PCDH17: variants seen among roughly 807,000 people sequenced by gnomAD.
PCDH17 encodes protocadherin 17, also known as protocadherin-17.
In PCDH17, 21 loss-of-function variants were observed where a neutral mutation model predicts 67.7. The ratio of observed to expected loss-of-function variants is 0.31; its 90% CI spans 0.22 to 0.45. PCDH17 has a LOEUF of 0.45. Among genes scored for constraint, PCDH17 ranks in the 20% least tolerant of loss-of-function variants. PCDH17 has a pLI of 1.00. For missense variants in PCDH17, 1,471 were observed against 1,564.8 expected, an observed-to-expected ratio of 0.94 and a Z score of 1.01; for synonymous variants, 701 against 656.7, an observed-to-expected ratio of 1.07 and a Z score of -1.03.
chr13:57,718,654 G>A (rs1955845222), intron 3 of PCDH17, among the ~76,000 whole-genome samples: 1 of 151,988 alleles, frequency 6.6e-6, no homozygotes. Flanking sequence ...AAAAGTGTCA[G>A]TTCACAGGAT....
At chr13:57,687,613 A>C (rs528851758) in intron 3 of PCDH17, among the ~76,000 whole-genome samples, 1 of 152,184 alleles carries the variant, frequency 6.6e-6, no homozygotes, top group South Asian at 2.1e-4. Flanking sequence ...GAAAAAAATT[A>C]AAAAGAAGAT....
chr13:57,697,020 T>G (rs1955616621), intron 3 of PCDH17, among the ~76,000 whole-genome samples: 1 of 151,608 alleles, frequency 6.6e-6, no homozygotes, highest in African/African-American at 2.4e-5. Context: ...GAAGAAATCA[T>G]TAGGAAATAC....
chr13:57,688,350 G>T (rs1955526615), intron 3 of PCDH17, among the ~76,000 whole-genome samples: 1 of 151,828 alleles, frequency 6.6e-6, no homozygotes, highest in Admixed American at 6.6e-5. Context: ...GGGAAAAATT[G>T]TGTTTGTGTG....
chr13:57,648,827 G>C (rs1415900901), intron 1 of PCDH17, among the ~76,000 whole-genome samples: 1 of 151,986 alleles, frequency 6.6e-6, no homozygotes, highest in African/African-American at 2.4e-5. Flanking sequence ...ATTTCAGGTG[G>C]TTATCTTGAG....
At chr13:57,704,859 T>C (rs540899837) in intron 3 of PCDH17, among the ~76,000 whole-genome samples, 3 of 152,228 alleles carry the variant, frequency 2.0e-5, no homozygotes, top group African/African-American at 7.2e-5. Flanking sequence ...ATAGATTGAT[T>C]TGTAGGATCT....
At chr13:57,706,271 A>G (rs901666746) in intron 3 of PCDH17, among the ~76,000 whole-genome samples, 10 of 152,142 alleles carry the variant, frequency 6.6e-5, no homozygotes, top group Non-Finnish European at 1.0e-4. Flanking sequence ...TTACTGGCAT[A>G]TGTACTTACA....
At position 57,724,713 on chromosome 13, in the gene PCDH17, G is replaced by A. The variant is rs756979399; in HGVS notation, c.2899G>A (p.Ala967Thr). Residue 967 changes from alanine to threonine, a missense_variant, in exon 4 of 4, where the codon GCA becomes ACA. Physicochemically the swap from Ala to Thr is moderately conservative, Grantham distance 58 (BLOSUM62 0). This residue lies in a region of PCDH17 where 297 missense variants were observed against 298.6 expected (regional missense o/e 0.99). Coordinates refer to ENST00000377918, the MANE Select transcript of PCDH17 (RefSeq NM_001040429.3). ...QFPAANQAEN[A>T]DYRTNLFVPT... ...CCCTGCAGCCAATCAGGCTGAAAAT[G>A]CAGATTACCGCACAAATCTCTTTGT... The A allele has an allele frequency of 3.7e-6, 6 of 1,613,968 alleles. No homozygotes were observed. In the East Asian group the frequency reaches 1.1e-4, roughly 30 times the overall value.
At chr13:57,708,942 G>A (rs1203577256) in intron 3 of PCDH17, among the ~76,000 whole-genome samples, 2 of 151,480 alleles carry the variant, frequency 1.3e-5, no homozygotes, top group Non-Finnish European at 2.9e-5. Context: ...CTAAGAAGTA[G>A]ATCAAATATA....
intron 3 of PCDH17, among the ~76,000 whole-genome samples, chr13:57,667,317 C>T (rs1955266681): frequency 6.6e-6 from 1 of 151,984 alleles, no homozygotes; most frequent in Admixed American, 6.6e-5. Flanking sequence ...CATAGGTAAA[C>T]CAGAGTTTTG....
At chr13:57,707,168 C>T (rs1955728539) in intron 3 of PCDH17, among the ~76,000 whole-genome samples, 1 of 152,018 alleles carries the variant, frequency 6.6e-6, no homozygotes, top group South Asian at 2.1e-4. Flanking sequence ...CTACCTTCTA[C>T]TTAGTAGTAG....
At position 57,635,046 on chromosome 13, in the gene PCDH17, A is replaced by G. The variant is rs140158152; in HGVS notation, c.2500A>G (p.Thr834Ala). 235 of 1,613,398 alleles carry G rather than the reference A, an allele frequency of 1.5e-4. No homozygotes were observed. Among genetic ancestry groups the G allele is most frequent in the Non-Finnish European group, 1.9e-4 (226 of 1,180,004 alleles). ...TVPQGHAGCHTSFTGQGTNAS... is the reference protein window; with the variant it reads ...TVPQGHAGCHASFTGQGTNAS... ...CCCTCAGGGGCACGCGGGCTGCCAC[A>G]CCAGCTTCACCGGACAAGGGACTAA... Residue 834 changes from threonine (T) to alanine (A), a missense_variant, in exon 1 of 4, where the codon ACC becomes GCC. Physicochemically the swap from Thr to Ala is moderately conservative, Grantham distance 58 (BLOSUM62 0). Around this residue, in one of 3 missense-constraint regions of PCDH17, gnomAD observed 1,163 missense variants for 1,230.0 expected, o/e 0.95. Coordinates refer to ENST00000377918, the MANE Select transcript of PCDH17 (RefSeq NM_001040429.3).
At chr13:57,702,043 G>A (rs1003960933) in intron 3 of PCDH17, among the ~76,000 whole-genome samples, 2 of 151,696 alleles carry the variant, frequency 1.3e-5, no homozygotes, top group South Asian at 2.1e-4. Flanking sequence ...TCAGTCTCCC[G>A]AGTAGCTGGG....
intron 3 of PCDH17, among the ~76,000 whole-genome samples, chr13:57,707,986 G>A (rs572990499): frequency 6.6e-6 from 1 of 152,090 alleles, no homozygotes; most frequent in Non-Finnish European, 1.5e-5. Flanking sequence ...GTTCTGGGTT[G>A]ACATACATTT....
At position 57,724,696 on chromosome 13, in the gene PCDH17, C is replaced by G; in HGVS notation, c.2882C>G (p.Ala961Gly). 6.2e-7 allele frequency: 1 copy of G among 1,614,026 alleles called. No homozygotes were observed. Among genetic ancestry groups the G allele is most frequent in the Non-Finnish European group, 8.5e-7 (1 of 1,179,954 alleles). Residue 961 changes from alanine to glycine, a missense_variant, in exon 4 of 4, where the codon GCC becomes GGC. This residue lies in a region of PCDH17 where 297 missense variants were observed against 298.6 expected (regional missense o/e 0.99). Transcript: ENST00000377918. ...TGCTGGATGCCACAGTTCCCTGCAG[C>G]CAATCAGGCTGAAAATGCAGATTAC... ...DRCWMPQFPA[A>G]NQAENADYRT...
Position 57,633,701 on chromosome 13 carries a change from A to G in PCDH17, c.1155A>G (p.Gly385=), listed in dbSNP as rs1398405311. The part of the protein sequence containing the change: ...RVTDRDSGKN[G]QLQCRVLGGG... The stretch of plus-strand genomic sequence containing the variant: ...CTGACCGGGACTCTGGCAAGAACGG[A>G]CAGCTGCAGTGTCGGGTCCTAGGCG... Residue 385 remains glycine (G), a synonymous_variant, in exon 1 of 4, where the codon GGA becomes GGG. Coordinates refer to ENST00000377918, the MANE Select transcript of PCDH17 (RefSeq NM_001040429.3). This position sits in a 1 kb window ranked among gnomAD's most constrained non-coding sequence, Gnocchi z 6.2. 3 of 1,603,296 alleles carry G rather than the reference A, an allele frequency of 1.9e-6. No homozygotes were observed. The highest frequency in any genetic ancestry group is 2.5e-6 in the Non-Finnish European group (3 of 1,179,702).
intron 1 of PCDH17, among the ~76,000 whole-genome samples, chr13:57,656,859 ATGT>A (rs1376184783): frequency 6.6e-6 from 1 of 152,170 alleles, no homozygotes; most frequent in Non-Finnish European, 1.5e-5. Context: ...GTCTTTAAGT[ATGT>A]TTTAATTTCT....
At position 57,663,002 on chromosome 13, in the gene PCDH17, A is replaced by T. The variant is rs150652236; in HGVS notation, c.2566-3466A>T. 3.9e-3 allele frequency among the ~76,000 whole-genome samples: 594 copies of T among 152,208 alleles called. 4 individuals are homozygous for T. Among genetic ancestry groups the T allele is most frequent in the African/African-American group, 0.011 (467 of 41,540 alleles). ...TACATTCAGTATGATGTTAGTTCACATCTGTTTTGTTATGATCAAATAATC... is the reference window on the plus strand; with the variant it reads ...TACATTCAGTATGATGTTAGTTCACTTCTGTTTTGTTATGATCAAATAATC... On this transcript the variant is annotated intron_variant, in intron 1 of 3. Transcript: ENST00000377918.
chr13:57,680,925 A>C (rs1955442557), intron 3 of PCDH17, among the ~76,000 whole-genome samples: 2 of 151,816 alleles, frequency 1.3e-5, no homozygotes, highest in Admixed American at 1.3e-4. Flanking sequence ...TAAGAGTATA[A>C]ATATACAACA....
chr13:57,665,078 GAGTGA>G (rs1341670906), intron 1 of PCDH17, among the ~76,000 whole-genome samples: 1 of 152,094 alleles, frequency 6.6e-6, no homozygotes, highest in Non-Finnish European at 1.5e-5. Context: ...ACATGCAGGT[GAGTGA>G]AGTTTTCCAA....
Sources: gnomAD v4.1 joint callset for allele counts (sites outside exome capture counted in the v4.1 genomes callset) on GRCh38, gnomAD v4.1.1 for gene constraint, gnomAD v4.1.1 regional missense constraint, Gnocchi (gnomAD v3.1) non-coding constraint, MANE v1.5 for transcripts, NCBI Gene and HGNC (gene_info 2026-07-23, HGNC 2026-07-21) for gene names.